Variants in UMAD1 observed in about 807,000 individuals in gnomAD.
UMAD1 encodes UBAP1-MVB12-associated (UMA) domain containing 1.
In UMAD1, 8 loss-of-function variants were observed where a neutral mutation model predicts 6.1. The ratio of observed to expected loss-of-function variants is 1.30; its 90% CI spans 0.76 to 2.35. UMAD1 has a LOEUF of 2.35. Ranked by LOEUF, UMAD1 falls within the 30% of genes most tolerant of loss-of-function variation. The pLI, the probability that UMAD1 is intolerant of heterozygous loss-of-function variation, is 0.00. For missense variants in UMAD1, 130 were observed against 78.4 expected, an observed-to-expected ratio of 1.66 and a Z score of -2.49; for synonymous variants, 56 against 31.4, an observed-to-expected ratio of 1.78 and a Z score of -2.61.
intron 3 of UMAD1, among the ~76,000 whole-genome samples, chr7:7,840,299 G>A (rs549859963): frequency 3.9e-5 from 6 of 152,236 alleles, no homozygotes; most frequent in Admixed American, 2.0e-4. Flanking sequence ...AGTGTTGGAT[G>A]GGTTGTATAT....
Position 7,819,817 on chromosome 7 carries a change from C to T in UMAD1, c.156+18074C>T, listed in dbSNP as rs569618324. 3.3e-5 allele frequency among the ~76,000 whole-genome samples: 5 copies of T among 152,282 alleles called. No homozygotes were observed. The South Asian group carries it at 1.0e-3, about 32-fold the overall frequency. ...TTCTCTAACTTCTCATCCGGGTACA[C>T]TGTTGAAATAGCAGACCATCCCATT... On this transcript the variant is annotated intron_variant, in intron 3 of 3. Transcript: ENST00000682710.
At chr7:7,778,276 G>A (rs12702647) in intron 2 of UMAD1, among the ~76,000 whole-genome samples, 39,217 of 97,898 alleles carry the variant, frequency 0.4, 6,148 homozygotes, top group Middle Eastern at 0.55. Context: ...GTGTGTGTGT[G>A]AGAGAGAGAG....
intron 2 of UMAD1, among the ~76,000 whole-genome samples, chr7:7,789,452 A>G (rs1009365857): frequency 1.3e-5 from 2 of 151,200 alleles, no homozygotes; most frequent in Non-Finnish European, 2.9e-5. Flanking sequence ...AAAACATCTT[A>G]TTTCTTTAAT....
chr7:7,860,038 AT>A (rs1784085312), intron 3 of UMAD1, among the ~76,000 whole-genome samples: 1 of 152,054 alleles, frequency 6.6e-6, no homozygotes, highest in Non-Finnish European at 1.5e-5. Context: ...TATTTACTCT[AT>A]TTTATTGGGT....
chr7:7,730,464 G>A (rs867714052), intron 2 of UMAD1, among the ~76,000 whole-genome samples: 1 of 151,826 alleles, frequency 6.6e-6, no homozygotes, highest in African/African-American at 2.4e-5. Context: ...AATTGATCTT[G>A]TCTCATCCAG....
At position 7,673,361 on chromosome 7, in the gene UMAD1, CA is replaced by C; in HGVS notation, c.-10del. The C allele has an allele frequency of 1.6e-6, 2 of 1,257,366 alleles. No individual in the cohort carries two copies. Among genetic ancestry groups the C allele is most frequent in the Non-Finnish European group, 2.2e-6 (2 of 893,742 alleles). 77.9% of individuals were successfully genotyped at this position (1,257,366 alleles called of 1,614,324 possible). A position where few individuals can be genotyped will look rare whatever the true frequency, so the allele number is the denominator to read the frequency against. On this transcript the variant is annotated 5_prime_UTR_variant, in exon 2 of 4. Coordinates refer to ENST00000682710, the MANE Select transcript of UMAD1 (RefSeq NM_001302348.2). The stretch of plus-strand genomic sequence containing the variant: ...GCAGCAGCAGCAGCAGCAGCAGCAG[CA>C]GCAGCAGCAATGTTTCACTTCTTCA...
At chr7:7,721,931 G>C (rs1009672241) in intron 2 of UMAD1, among the ~76,000 whole-genome samples, 1 of 152,096 alleles carries the variant, frequency 6.6e-6, no homozygotes, top group African/African-American at 2.4e-5. Flanking sequence ...TGCCCGCTTG[G>C]CTGGGATATA....
chr7:7,648,867 GAAA>G, intron 1 of UMAD1, among the ~76,000 whole-genome samples: 1 of 141,530 alleles, frequency 7.1e-6, no homozygotes. Flanking sequence ...AAGAAAGAAA[GAAA>G]AAAAAAGGCC....
intron 2 of UMAD1, among the ~76,000 whole-genome samples, chr7:7,733,441 T>C (rs1389498358): frequency 3.3e-5 from 5 of 151,854 alleles, no homozygotes; most frequent in African/African-American, 1.2e-4. Context: ...ATATTCCTGA[T>C]TGAAGGAATT....
At chr7:7,731,430 G>A (rs1329258905) in intron 2 of UMAD1, among the ~76,000 whole-genome samples, 5 of 149,794 alleles carry the variant, frequency 3.3e-5, no homozygotes, top group African/African-American at 1.2e-4. Context: ...CTGGACTAAA[G>A]TGATAGCAGT....
At chr7:7,695,863 A>G (rs1180448517) in intron 2 of UMAD1, among the ~76,000 whole-genome samples, 1 of 152,126 alleles carries the variant, frequency 6.6e-6, no homozygotes, top group Non-Finnish European at 1.5e-5. Context: ...TGCACACTAC[A>G]TCTTATGCAC....
chr7:7,728,854 A>G (rs923347453), intron 2 of UMAD1, among the ~76,000 whole-genome samples: 2 of 152,120 alleles, frequency 1.3e-5, no homozygotes. Flanking sequence ...TAGTGGGCCT[A>G]CCGTATGTCA....
chr7:7,718,794 A>T (rs1780984286), intron 2 of UMAD1, among the ~76,000 whole-genome samples: 1 of 152,176 alleles, frequency 6.6e-6, no homozygotes, highest in African/African-American at 2.4e-5. Flanking sequence ...GACTCTCAGA[A>T]GCAATACCAG....
Position 7,758,630 on chromosome 7 carries a change from T to C in UMAD1, c.83-43040T>C, listed in dbSNP as rs146811950. Among the ~76,000 whole-genome samples, 79 of 152,346 alleles carry C rather than the reference T, an allele frequency of 5.2e-4. 2 individuals carry two copies. Among genetic ancestry groups the C allele is most frequent in the East Asian group, 2.3e-3 (12 of 5,182 alleles). ...ATATATGGTGTGTAGTTCCAACCTATTTAAAGTACCGTTTTACTTATTTAA... is the reference window on the plus strand; with the variant it reads ...ATATATGGTGTGTAGTTCCAACCTACTTAAAGTACCGTTTTACTTATTTAA... On this transcript the variant is annotated intron_variant, in intron 2 of 3. Transcript: ENST00000682710.
chr7:7,694,820 C>T (rs1583745667), intron 2 of UMAD1, among the ~76,000 whole-genome samples: 1 of 152,190 alleles, frequency 6.6e-6, no homozygotes, highest in Non-Finnish European at 1.5e-5. Context: ...CAAATCTTAG[C>T]TATTGTGAAT....
intron 3 of UMAD1, among the ~76,000 whole-genome samples, chr7:7,828,202 G>T (rs746161099): frequency 1.3e-5 from 2 of 152,096 alleles, no homozygotes; most frequent in Non-Finnish European, 2.9e-5. Flanking sequence ...TTTGATAGTC[G>T]CTGGTTGGTT....
chr7:7,800,540 C>T (rs1782106711), intron 2 of UMAD1, among the ~76,000 whole-genome samples: 1 of 151,884 alleles, frequency 6.6e-6, no homozygotes, highest in African/African-American at 2.4e-5. Context: ...GCACCCATCA[C>T]CTGAGCGGTG....
At chr7:7,785,743 C>T (rs1269036883) in intron 2 of UMAD1, among the ~76,000 whole-genome samples, 1 of 152,064 alleles carries the variant, frequency 6.6e-6, no homozygotes, top group Non-Finnish European at 1.5e-5. Context: ...AGCTGACTGA[C>T]ATGATGTGGG....
chr7:7,850,868 T>C (rs981172847), intron 3 of UMAD1, among the ~76,000 whole-genome samples: 1 of 152,108 alleles, frequency 6.6e-6, no homozygotes, highest in African/African-American at 2.4e-5. Context: ...GAATATACAT[T>C]TCTTTTAAGT....
Sources: allele counts gnomAD v4.1 joint callset (sites outside exome capture counted in the v4.1 genomes callset), GRCh38; gene constraint gnomAD v4.1.1; transcripts MANE v1.5; gene names NCBI Gene and HGNC (gene_info 2026-07-23, HGNC 2026-07-21).